Variants in CDC42BPA observed in about 807,000 individuals in gnomAD.
The protein encoded by CDC42BPA is CDC42 binding protein kinase alpha.
In CDC42BPA, 80 loss-of-function variants were observed where a neutral mutation model predicts 223.5. The ratio of observed to expected loss-of-function variants is 0.36; its 90% CI spans 0.30 to 0.43. The LOEUF (loss-of-function observed/expected upper bound fraction) is 0.43, where lower values mean the gene tolerates loss of function less well. CDC42BPA is among the 20% of genes least tolerant of loss of function. The probability of loss-of-function intolerance (pLI) is 1.00; values close to 1 mark genes in which losing one functional copy is unlikely to be tolerated. For synonymous variants in CDC42BPA, 694 were observed against 718.6 expected (o/e 0.97, Z 0.55); for missense variants, 1,743 against 2,099.9 (o/e 0.83, Z 3.32).
At chr1:227,081,309 T>A (rs999846674) in intron 16 of CDC42BPA, among the ~76,000 whole-genome samples, 3 of 152,140 alleles carry the variant, frequency 2.0e-5, no homozygotes, top group African/African-American at 7.2e-5. Context: ...AATGTCTTTA[T>A]GTCATTTTTT....
chr1:227,120,082 A>C, intron 11 of CDC42BPA, 145 bp from the exon 12 acceptor site: 1 of 550,386 alleles, frequency 1.8e-6, no homozygotes, highest in Non-Finnish European at 3.1e-6. Context: ...GACTCTTGAC[A>C]AATTAAATGC....
chr1:227,002,699 C>T (rs1290575518), intron 35 of CDC42BPA, among the ~76,000 whole-genome samples: 1 of 152,182 alleles, frequency 6.6e-6, no homozygotes, highest in Non-Finnish European at 1.5e-5. Context: ...GACACTCAGG[C>T]ACTGGGTATG....
chr1:227,029,002 A>G lies in CDC42BPA; in HGVS notation c.4087T>C (p.Tyr1363His). ...CVAMKRQVLC[Y>H]ELFQSKTRHR... ...CGGGTCTTGCTCTGAAATAGTTCAT[A>G]ACAGAGGACCTGCCTTTTCATAGCC... Residue 1363 changes from tyrosine (Y) to histidine (H), a missense_variant, in exon 30 of 37, where the codon TAT becomes CAT. Tyr to His is a moderately conservative substitution (Grantham distance 83, BLOSUM62 2). Transcript: ENST00000366766. The G allele has an allele frequency of 6.2e-7, 1 of 1,614,048 alleles. No homozygotes were observed.
chr1:227,051,069 G>A (rs539212492), intron 22 of CDC42BPA, among the ~76,000 whole-genome samples: 1 of 152,242 alleles, frequency 6.6e-6, no homozygotes, highest in Admixed American at 6.5e-5. Flanking sequence ...CAATTTGGGG[G>A]AGTCTGTCAC....
At chr1:227,083,696 A>T (rs941536693) in intron 16 of CDC42BPA, among the ~76,000 whole-genome samples, 1 of 152,104 alleles carries the variant, frequency 6.6e-6, no homozygotes, top group Non-Finnish European at 1.5e-5. Context: ...CTTCCTCCAC[A>T]GAGTATTTAC....
intron 1 of CDC42BPA, among the ~76,000 whole-genome samples, chr1:227,256,948 G>GACACACACACACACAC (rs55961981): frequency 0.01 from 1,419 of 141,080 alleles, 17 homozygotes; most frequent in East Asian, 0.03. Context: ...TATATATACA[G>GACACACACACACACAC]ACACACACAC....
intron 1 of CDC42BPA, among the ~76,000 whole-genome samples, chr1:227,271,639 T>C (rs1685970521): frequency 6.6e-6 from 1 of 152,222 alleles, no homozygotes; most frequent in African/African-American, 2.4e-5. Context: ...CTACTGAATA[T>C]ACTTGTATCT....
At chr1:227,116,476 G>C (rs1400681017) in intron 12 of CDC42BPA, among the ~76,000 whole-genome samples, 4 of 152,028 alleles carry the variant, frequency 2.6e-5, no homozygotes, top group Non-Finnish European at 1.5e-5. Context: ...AATATCAGAG[G>C]CAGTTTCTTT....
chr1:227,174,136 T>C (rs962261125), intron 5 of CDC42BPA, among the ~76,000 whole-genome samples: 1 of 152,206 alleles, frequency 6.6e-6, no homozygotes, highest in Admixed American at 6.5e-5. Flanking sequence ...CAAATTATGA[T>C]TCTTCAACTT....
At chr1:227,254,412 A>T (rs1682698888) in intron 1 of CDC42BPA, among the ~76,000 whole-genome samples, 1 of 152,232 alleles carries the variant, frequency 6.6e-6, no homozygotes, top group Non-Finnish European at 1.5e-5. Flanking sequence ...CATATAAAAG[A>T]ATGCAAAGCA....
Position 227,112,431 on chromosome 1 carries a change from C to T in CDC42BPA, c.1891-9G>A. On this transcript the variant is annotated splice_polypyrimidine_tract_variant and intron_variant, in intron 13 of 36. Transcript: ENST00000366766. ...TCTGTATGAACTTCCAGCTTTAAAACAGAATGAAAAATGCAGATTTCACGG... is the reference window on the plus strand; with the variant it reads ...TCTGTATGAACTTCCAGCTTTAAAATAGAATGAAAAATGCAGATTTCACGG... 6.4e-7 allele frequency: 1 copy of T among 1,557,714 alleles called. No homozygotes were observed. Among genetic ancestry groups the T allele is most frequent in the Non-Finnish European group, 8.7e-7 (1 of 1,150,162 alleles).
chr1:227,004,998 T>C lies in CDC42BPA; in HGVS notation c.4971A>G (p.Ser1657=). The stretch of plus-strand genomic sequence containing the variant: ...TCCTGTAGCCCCGGCACTTACTTGC[T>C]GACAAGCCACTGCTAGCACTCATGG... ...GRSMSASSGL[S]ARSSAQNGSA... Residue 1657 remains serine, a synonymous_variant, in exon 35 of 37, where the codon TCA becomes TCG. Transcript: ENST00000366766. 1 of 1,611,404 alleles carries C rather than the reference T, an allele frequency of 6.2e-7. No homozygotes were observed. The highest frequency in any genetic ancestry group is 8.5e-7 in the Non-Finnish European group (1 of 1,177,500).
intron 1 of CDC42BPA, among the ~76,000 whole-genome samples, chr1:227,305,496 G>C (rs991178066): frequency 3.9e-5 from 6 of 152,156 alleles, no homozygotes; most frequent in African/African-American, 1.4e-4. Context: ...TGCTGTCAGA[G>C]AAGTCTCTTA....
At chr1:227,036,421 C>CTTTT (rs56254464) in intron 24 of CDC42BPA, among the ~76,000 whole-genome samples, 15 of 71,148 alleles carry the variant, frequency 2.1e-4, no homozygotes, top group East Asian at 4.3e-4. Flanking sequence ...CTTCAATTCA[C>CTTTT]TTTTTTTTTT....
At chr1:227,082,575 C>T (rs1056358964) in intron 16 of CDC42BPA, among the ~76,000 whole-genome samples, 4 of 151,710 alleles carry the variant, frequency 2.6e-5, no homozygotes, top group East Asian at 1.9e-4. Context: ...ATTAGCCAGA[C>T]GTGGTGGCAT....
At chr1:227,034,225 G>C (rs1669838216) in intron 26 of CDC42BPA, among the ~76,000 whole-genome samples, 1 of 152,158 alleles carries the variant, frequency 6.6e-6, no homozygotes, top group Admixed American at 6.6e-5. Context: ...AACACAGGAA[G>C]AATCTGAAAA....
rs1439060894 is a variant in CDC42BPA, at chr1:227,028,989, T to C, written c.4100A>G (p.Gln1367Arg). The change falls in exon 30 of 37, where the codon CAG becomes CGG. Residue 1367 changes from glutamine (Q) to arginine (R), a missense_variant. Gln to Arg is a conservative substitution (Grantham distance 43). Around this residue, in one of 6 missense-constraint regions of CDC42BPA, gnomAD observed 678 missense variants for 777.5 expected, o/e 0.87. Coordinates refer to ENST00000366766, the MANE Select transcript of CDC42BPA (RefSeq NM_001394014.1). ...AAATTTTCTGTGACGGGTCTTGCTC[T>C]GAAATAGTTCATAACAGAGGACCTG... ...KRQVLCYELF[Q>R]SKTRHRKFKE... 2.5e-6 allele frequency: 4 copies of C among 1,614,110 alleles called. No individual in the cohort carries two copies. The South Asian group carries it at 3.3e-5, about 13-fold the overall frequency.
intron 15 of CDC42BPA, among the ~76,000 whole-genome samples, chr1:227,093,421 CGAGCCCCTTTAAATTAGCAGG>C (rs538317206): frequency 6.6e-5 from 10 of 152,094 alleles, no homozygotes; most frequent in Non-Finnish European, 1.5e-4. Context: ...ATGAGAAATG[CGAGCCCCTTTAAATTAGCAGG>C]GCCAGACAGG....
intron 5 of CDC42BPA, among the ~76,000 whole-genome samples, chr1:227,168,175 T>C (rs759743899): frequency 6.6e-6 from 1 of 152,176 alleles, no homozygotes; most frequent in Admixed American, 6.5e-5. Context: ...TCCGCCTGCC[T>C]CAGTGTCCCA....
Sources: allele counts gnomAD v4.1 joint callset (sites outside exome capture counted in the v4.1 genomes callset), GRCh38; gene constraint gnomAD v4.1.1; regional missense constraint gnomAD v4.1.1; transcripts MANE v1.5; gene names NCBI Gene and HGNC (gene_info 2026-07-23, HGNC 2026-07-21).